The following KLRG1 variants were observed in gnomAD, a reference collection of about 807,000 sequenced individuals.
The protein encoded by KLRG1 is killer cell lectin-like receptor subfamily G member 1.
A neutral mutation model predicts 21.8 loss-of-function variants in KLRG1; 16 were observed. The ratio of observed to expected loss-of-function variants is 0.73; its 90% CI spans 0.50 to 1.11. The LOEUF (loss-of-function observed/expected upper bound fraction) is 1.11. Ranked by LOEUF, KLRG1 falls within the 50% of genes most tolerant of loss-of-function variation. KLRG1 has a pLI of 0.00. For synonymous variants in KLRG1, 69 were observed against 75.9 expected (o/e 0.91, Z 0.47); for missense variants, 173 against 218.3 (o/e 0.79, Z 1.31).
At chr12:8,981,539 A>G (rs1296674855) in intron 1 of KLRG1, among the ~76,000 whole-genome samples, 1 of 151,658 alleles carries the variant, frequency 6.6e-6, no homozygotes, top group Non-Finnish European at 1.5e-5. Context: ...GGGTATTTTA[A>G]TTTCCGAATA....
At chr12:9,154,851 G>A in the KLRG1 span, 4 of 1,599,496 alleles carry the variant, frequency 2.5e-6, no homozygotes, top group African/African-American at 1.3e-5. Context: ...TTAAGGGTGA[G>A]AAAAAGGAGA....
intron 1 of KLRG1, among the ~76,000 whole-genome samples, chr12:8,982,644 CTTT>C (rs745473290): frequency 2.2e-5 from 3 of 136,010 alleles, no homozygotes; most frequent in Non-Finnish European, 3.2e-5. Flanking sequence ...CAGACAATAT[CTTT>C]TTTTTTTTTT....
the KLRG1 span, chr12:9,159,887 G>A: frequency 6.9e-7 from 1 of 1,457,280 alleles, no homozygotes; most frequent in Non-Finnish European, 9.6e-7. Context: ...GGTAATCTAT[G>A]TGCACGTTCT....
At chr12:9,104,334 C>T in the KLRG1 span, 2 of 1,609,996 alleles carry the variant, frequency 1.2e-6, no homozygotes, top group Non-Finnish European at 1.7e-6. Context: ...TAATAGTTTG[C>T]TTCATTTCCT....
the KLRG1 span, chr12:9,115,213 T>G: frequency 1.3e-5 from 2 of 153,242 alleles, no homozygotes; most frequent in African/African-American, 4.8e-5. Context: ...GGTATTTCCT[T>G]CAGTTCCTCC....
At chr12:9,041,593 A>C in the KLRG1 span, among the ~76,000 whole-genome samples, 2 of 152,122 alleles carry the variant, frequency 1.3e-5, no homozygotes, top group Non-Finnish European at 2.9e-5. Flanking sequence ...AAGCCTGGCA[A>C]CTTCTACTGT....
the KLRG1 span, chr12:9,127,684 C>T: frequency 6.4e-6 from 1 of 156,564 alleles, no homozygotes; most frequent in Non-Finnish European, 1.4e-5. Context: ...GTGCCCTCAT[C>T]CTCCTCTGGG....
Position 8,999,223 on chromosome 12 carries a change from A to G in KLRG1, c.357+3935A>G, listed in dbSNP as rs1021190711. Among the ~76,000 whole-genome samples, 68 of 151,684 alleles carry G rather than the reference A, an allele frequency of 4.5e-4. 1 individual carries two copies. Among genetic ancestry groups the G allele is most frequent in the Admixed American group, 2.1e-3 (32 of 15,240 alleles). ...ATTCAAATTCTTGATTTTTCTTGCCATTTTTCCCCCACCAAGCTCAGTTCA... is the reference window on the plus strand; with the variant it reads ...ATTCAAATTCTTGATTTTTCTTGCCGTTTTTCCCCCACCAAGCTCAGTTCA... On this transcript the variant is annotated intron_variant, in intron 3 of 4. Transcript: ENST00000356986.
At chr12:9,021,713 A>G in the KLRG1 span, among the ~76,000 whole-genome samples, 1 of 152,014 alleles carries the variant, frequency 6.6e-6, no homozygotes, top group Non-Finnish European at 1.5e-5. Context: ...TTTTTTTTAA[A>G]AAACAAGACA....
the KLRG1 span, chr12:9,077,058 C>G: frequency 1.2e-6 from 1 of 804,182 alleles, no homozygotes; most frequent in Non-Finnish European, 1.9e-6. Flanking sequence ...ATTCCTCATT[C>G]TTATCAATAG....
At chr12:8,973,547 C>T (rs1180621540) in intron 1 of KLRG1, among the ~76,000 whole-genome samples, 1 of 152,184 alleles carries the variant, frequency 6.6e-6, no homozygotes, top group Non-Finnish European at 1.5e-5. Flanking sequence ...AGACATTGAA[C>T]CTGTGCCTTG....
At chr12:8,975,091 A>T (rs1224671650) in intron 1 of KLRG1, among the ~76,000 whole-genome samples, 1 of 151,526 alleles carries the variant, frequency 6.6e-6, no homozygotes, top group African/African-American at 2.4e-5. Flanking sequence ...GTAGAGATGG[A>T]GTTTCACCAT....
the KLRG1 span, among the ~76,000 whole-genome samples, chr12:9,050,160 T>C: frequency 1.3e-5 from 2 of 152,206 alleles, no homozygotes; most frequent in African/African-American, 4.8e-5. Context: ...ACGTGTCACA[T>C]TGGTGCAAAG....
the KLRG1 span, among the ~76,000 whole-genome samples, chr12:9,032,576 G>A: frequency 1.3e-5 from 2 of 152,134 alleles, no homozygotes; most frequent in Non-Finnish European, 2.9e-5. Flanking sequence ...AAAGGCCACA[G>A]GTTAGGATTA....
the KLRG1 span, among the ~76,000 whole-genome samples, chr12:9,207,140 C>CT: frequency 1.3e-5 from 2 of 152,186 alleles, no homozygotes; most frequent in Non-Finnish European, 2.9e-5. Flanking sequence ...CTGAAGAAGG[C>CT]TATTTGTGTT....
chr12:9,077,639 C>A, the KLRG1 span: 1 of 1,586,986 alleles, frequency 6.3e-7, no homozygotes, highest in African/African-American at 1.3e-5. Flanking sequence ...ATTATCACTT[C>A]CTATCCTCAT....
the KLRG1 span, among the ~76,000 whole-genome samples, chr12:9,044,673 CA>C: frequency 1.6e-4 from 24 of 146,642 alleles, no homozygotes; most frequent in Non-Finnish European, 3.0e-4. Flanking sequence ...TTTCAAAAAA[CA>C]AAAAAAAAAC....
At chr12:9,077,635 A>C in the KLRG1 span, 4 of 1,574,358 alleles carry the variant, frequency 2.5e-6, no homozygotes, top group East Asian at 6.7e-5. Flanking sequence ...TCACATTATC[A>C]CTTCCTATCC....
the KLRG1 span, chr12:9,160,435 A>G: frequency 7.4e-6 from 12 of 1,613,874 alleles, no homozygotes; most frequent in Non-Finnish European, 1.0e-5. Context: ...CTCCACAGCC[A>G]TATGGCATCT....
Sources: allele counts gnomAD v4.1 joint callset (sites outside exome capture counted in the v4.1 genomes callset), GRCh38; gene constraint gnomAD v4.1.1; transcripts MANE v1.5; gene names NCBI Gene and HGNC (gene_info 2026-07-23, HGNC 2026-07-21).